Variants in GRID1 observed in about 807,000 individuals in gnomAD.
GRID1 encodes glutamate receptor ionotropic, delta-1.
Under a neutral mutation model 98.0 loss-of-function variants are expected in GRID1, and 28 were observed. That is an observed-to-expected ratio of 0.29 (90% CI 0.21 to 0.39). The LOEUF is 0.39. Ranked by LOEUF, GRID1 falls within the 10% of genes least tolerant of loss-of-function variation. The pLI is 1.00. For synonymous variants in GRID1, 553 were observed against 538.5 expected, an observed-to-expected ratio of 1.03 and a Z score of -0.37; for missense variants, 1,111 against 1,340.5, an observed-to-expected ratio of 0.83 and a Z score of 2.67.
At chr10:85,777,079 C>T (rs998354379) in intron 8 of GRID1, among the ~76,000 whole-genome samples, 1 of 152,190 alleles carries the variant, frequency 6.6e-6, no homozygotes, top group African/African-American at 2.4e-5. Context: ...CCTATATCAG[C>T]ACAAACCTCC....
chr10:85,721,991 G>GA (rs2132649232), intron 12 of GRID1, among the ~76,000 whole-genome samples: 1 of 152,272 alleles, frequency 6.6e-6, no homozygotes, highest in South Asian at 2.1e-4. Flanking sequence ...AGGATCCCAG[G>GA]AGACCTCTCT....
At chr10:86,285,075 C>T (rs181471164) in intron 2 of GRID1, among the ~76,000 whole-genome samples, 3 of 152,160 alleles carry the variant, frequency 2.0e-5, no homozygotes, top group South Asian at 2.1e-4. Flanking sequence ...AGGAGAGGAG[C>T]GAGCCCCCCA....
chr10:86,097,179 G>A (rs1844233123), intron 4 of GRID1, among the ~76,000 whole-genome samples: 1 of 152,184 alleles, frequency 6.6e-6, no homozygotes, highest in Non-Finnish European at 1.5e-5. Context: ...GCATCCCAAT[G>A]TCTCTGGCTC....
At chr10:85,920,074 C>T (rs1841681295) in intron 4 of GRID1, among the ~76,000 whole-genome samples, 1 of 152,170 alleles carries the variant, frequency 6.6e-6, no homozygotes, top group African/African-American at 2.4e-5. Context: ...CTGGGGACTT[C>T]TCCAGAGTGT....
chr10:85,747,548 C>T (rs957166337), intron 8 of GRID1, among the ~76,000 whole-genome samples: 1 of 152,084 alleles, frequency 6.6e-6, no homozygotes, highest in African/African-American at 2.4e-5. Flanking sequence ...TCCTCTTAGC[C>T]CCATACTATA....
At chr10:85,758,672 T>C (rs1842120540) in intron 8 of GRID1, among the ~76,000 whole-genome samples, 1 of 152,188 alleles carries the variant, frequency 6.6e-6, no homozygotes, top group African/African-American at 2.4e-5. Flanking sequence ...AAGGGTAGGG[T>C]ACTGCAAAAG....
chr10:86,218,533 A>G (rs1469806824), intron 2 of GRID1, among the ~76,000 whole-genome samples: 1 of 152,154 alleles, frequency 6.6e-6, no homozygotes, highest in Non-Finnish European at 1.5e-5. Context: ...TAGCCAGCAG[A>G]CTTCCCAGGG....
chr10:85,602,282 G>A lies in GRID1; in HGVS notation c.3021C>T (p.Thr1007=), dbSNP rs776192664. Residue 1007 remains threonine (T), a synonymous_variant, in exon 16 of 16, where the codon ACC becomes ACT. Coordinates refer to ENST00000327946, the MANE Select transcript of GRID1 (RefSeq NM_017551.3). Reference sequence around the variant, plus strand: ...AGGGCAGGCGGCGCAGTCAGATGGAGGTCCCGTGGGAGGTGTCCAGAGCCT... The same window carrying A: ...AGGGCAGGCGGCGCAGTCAGATGGAAGTCCCGTGGGAGGTGTCCAGAGCCT... ...LPEALDTSHG[T]SI 1.7e-5 allele frequency: 26 copies of A among 1,512,270 alleles called. No homozygotes were observed. The highest frequency in any genetic ancestry group is 4.5e-5 in the Admixed American group (2 of 44,620). The allele number at this position is 1,512,270 out of a possible 1,614,324, so 93.7% of individuals were successfully genotyped here.
At chr10:86,229,677 G>T (rs1235843753) in intron 2 of GRID1, among the ~76,000 whole-genome samples, 1 of 152,198 alleles carries the variant, frequency 6.6e-6, no homozygotes, top group East Asian at 1.9e-4. Context: ...ACTGCCTGGA[G>T]TTCAACTCAT....
intron 2 of GRID1, among the ~76,000 whole-genome samples, chr10:86,218,673 C>A (rs1414915662): frequency 6.6e-6 from 1 of 152,226 alleles, no homozygotes; most frequent in Non-Finnish European, 1.5e-5. Context: ...GAATCCTTCT[C>A]ATCTACCCAG....
rs149521208 is a variant in GRID1 at position 86,057,400 on chromosome 10, T to C, written c.726+81419A>G. Among the ~76,000 whole-genome samples, 1,150 of 152,338 alleles carry C rather than the reference T, an allele frequency of 7.5e-3. 18 individuals carry two copies. The highest frequency in any genetic ancestry group is 0.026 in the African/African-American group (1,090 of 41,574). ...TGTCTGGGATGACCTTCTTCTGCAA[T>C]GGCCAGACATGGCCTGTATCCCCAT... is the stretch of plus-strand genomic sequence containing the variant. On this transcript the variant is annotated intron_variant, in intron 4 of 15. Coordinates refer to ENST00000327946, the MANE Select transcript of GRID1 (RefSeq NM_017551.3).
At chr10:85,912,483 T>A (rs1841552977) in intron 5 of GRID1, among the ~76,000 whole-genome samples, 1 of 151,576 alleles carries the variant, frequency 6.6e-6, no homozygotes, top group Admixed American at 6.6e-5. Context: ...AGAAAGCAAA[T>A]AAAAACGTGT....
chr10:85,818,833 T>TC (rs1842737709), intron 8 of GRID1, among the ~76,000 whole-genome samples: 1 of 152,086 alleles, frequency 6.6e-6, no homozygotes, highest in Non-Finnish European at 1.5e-5. Flanking sequence ...GTCTCGTGCC[T>TC]CAGCCTCCTG....
At chr10:85,722,223 A>G (rs4418740) in intron 12 of GRID1, among the ~76,000 whole-genome samples, 74,690 of 151,880 alleles carry the variant, frequency 0.49, 18,808 homozygotes, top group Middle Eastern at 0.61. Flanking sequence ...AGTGTGATGA[A>G]TTAAAGGGAT....
At chr10:86,073,698 G>A (rs1384280876) in intron 4 of GRID1, among the ~76,000 whole-genome samples, 4 of 152,334 alleles carry the variant, frequency 2.6e-5, no homozygotes, top group African/African-American at 9.6e-5. Flanking sequence ...CTTGATGCCA[G>A]GGTGAAGCTG....
At chr10:85,986,320 G>A (rs1842608126) in intron 4 of GRID1, among the ~76,000 whole-genome samples, 1 of 152,254 alleles carries the variant, frequency 6.6e-6, no homozygotes, top group African/African-American at 2.4e-5. Flanking sequence ...AGCCCAGAAT[G>A]TTTCCAAATG....
chr10:85,988,778 T>C lies in GRID1; in HGVS notation c.727-72539A>G, dbSNP rs150803968. Among the ~76,000 whole-genome samples, 1,359 of 152,350 alleles carry C rather than the reference T, an allele frequency of 8.9e-3. 16 individuals are homozygous for C. The highest frequency in any genetic ancestry group is 0.024 in the Middle Eastern group (7 of 294). On this transcript the variant is annotated intron_variant, in intron 4 of 15. Transcript: ENST00000327946. Reference sequence around the variant, plus strand: ...CTTTGACCAAGGGATGCTATCTGTTTATACAACTTGGGAGGATTTTTAACA... The same window carrying C: ...CTTTGACCAAGGGATGCTATCTGTTCATACAACTTGGGAGGATTTTTAACA...
intron 2 of GRID1, among the ~76,000 whole-genome samples, chr10:86,254,496 G>A (rs1306016457): frequency 5.9e-5 from 9 of 152,216 alleles, no homozygotes; most frequent in East Asian, 3.8e-4. Flanking sequence ...TCCAGGTGAC[G>A]GATGCACATA....
chr10:85,916,493 G>A lies in GRID1; in HGVS notation c.727-254C>T, dbSNP rs944233560. ...AGCAAGATTAGACGCTTGGGTTCCT[G>A]CAGGCAGCACAGGGTCACAGGCACA... On this transcript the variant is annotated intron_variant, in intron 4 of 15. Transcript: ENST00000327946. This position sits in a 1 kb window ranked among gnomAD's most constrained non-coding sequence, Gnocchi z 4.0. Among the ~76,000 whole-genome samples, 11 of 152,198 alleles carry A rather than the reference G, an allele frequency of 7.2e-5. No homozygotes were observed. The highest frequency in any genetic ancestry group is 2.7e-4 in the African/African-American group (11 of 41,442).
Sources: allele counts gnomAD v4.1 joint callset (sites outside exome capture counted in the v4.1 genomes callset), GRCh38; gene constraint gnomAD v4.1.1; non-coding constraint Gnocchi (gnomAD v3.1); transcripts MANE v1.5; gene names NCBI Gene and HGNC (gene_info 2026-07-23, HGNC 2026-07-21).